Variants in SNX21 observed in about 807,000 individuals in gnomAD.
SNX21 encodes the protein sorting nexin family member 21.
A neutral mutation model predicts 30.9 loss-of-function variants in SNX21; 36 were observed. That is an observed-to-expected ratio of 1.16 (90% CI 0.89 to 1.54). The LOEUF is 1.54. SNX21 is among the 40% of genes most tolerant of loss of function. The pLI, the probability that SNX21 is intolerant of heterozygous loss-of-function variation, is 0.00. For missense variants in SNX21, 508 were observed against 516.5 expected (o/e 0.98, Z 0.16); for synonymous variants, 218 against 222.7 (o/e 0.98, Z 0.19).
chr20:45,840,209 A>G, intron 3 of SNX21: 1 of 1,408,120 alleles, frequency 7.1e-7, no homozygotes, highest in Admixed American at 2.9e-5. Flanking sequence ...TAGTTTGGAA[A>G]AGCCTGACCA....
intron 3 of SNX21, 85 bp downstream of exon 3, chr20:45,835,201 T>A: frequency 2.8e-6 from 4 of 1,428,862 alleles, no homozygotes; most frequent in Non-Finnish European, 3.7e-6. Flanking sequence ...TCCTGAGGGG[T>A]CTATGTAGTT....
rs1314440913 is a variant in SNX21 at position 45,842,044 on chromosome 20, G to A, written c.*731G>A. The A allele has an allele frequency of 6.4e-7, 1 of 1,552,026 alleles. No individual in the cohort carries two copies. Among genetic ancestry groups the A allele is most frequent in the African/African-American group, 1.4e-5 (1 of 73,364 alleles). ...TTTTCCTGAAACAGAGTCTCACTAA[G>A]TTGCCAGGCTGGTCTCAAGCGCCTG... On this transcript the variant is annotated 3_prime_UTR_variant, in exon 4 of 4. Transcript: ENST00000491381.
intron 3 of SNX21, among the ~76,000 whole-genome samples, chr20:45,836,015 C>T (rs1454467500): frequency 6.6e-6 from 1 of 152,190 alleles, no homozygotes; most frequent in African/African-American, 2.4e-5. Context: ...AGTGGCAGCT[C>T]TCCATCTCTC....
chr20:45,838,954 A>C (rs181643440), intron 3 of SNX21, among the ~76,000 whole-genome samples: 1 of 149,124 alleles, frequency 6.7e-6, no homozygotes, highest in African/African-American at 2.5e-5. Flanking sequence ...GAGTGCCATG[A>C]GCAATCTCGG....
chr20:45,840,677 T>C lies in SNX21; in HGVS notation c.486T>C (p.Asp162=), dbSNP rs768327128. The stretch of plus-strand genomic sequence containing the variant: ...CCGTGATCGGCCCAGGACCGCCAGA[T>C]TGCCAGCCAGCCCAGATCTCTCGCC... ...TLAVIGPGPP[D]CQPAQISRRY... The change falls in exon 4 of 4, where the codon GAT becomes GAC. Residue 162 remains aspartate (D), a synonymous_variant. Coordinates refer to ENST00000491381, the MANE Select transcript of SNX21 (RefSeq NM_033421.4). 1 of 1,614,140 alleles carries C rather than the reference T, an allele frequency of 6.2e-7. No homozygotes were observed. The highest frequency in any genetic ancestry group is 1.1e-5 in the South Asian group (1 of 91,086).
At position 45,840,647 on chromosome 20, in the gene SNX21, C is replaced by CCTCG. The variant is rs1983992903; in HGVS notation, c.458_461dup (p.Val155ArgfsTer23). On this transcript the variant is annotated frameshift_variant, in exon 4 of 4. Transcript: ENST00000491381. LOFTEE classifies it high-confidence loss of function. ...ACCCACCCTCCCTGCAGCTCTACACCCTCGCCGTGATCGGCCCAGGACCGC... is the reference window on the plus strand; with the variant it reads ...ACCCACCCTCCCTGCAGCTCTACACCCTCGCTCGCCGTGATCGGCCCAGGACCGC... 3.7e-6 allele frequency: 6 copies of CCTCG among 1,614,046 alleles called. No individual in the cohort carries two copies. Among genetic ancestry groups the CCTCG allele is most frequent in the Non-Finnish European group, 5.1e-6 (6 of 1,180,020 alleles).
Position 45,834,996 on chromosome 20 carries a change from G to C in SNX21, c.327G>C (p.Gln109His). ...SPPPDGQWGS[Q>H]LLARQLQDFW... ...CACCTGATGGGCAGTGGGGCAGTCA[G>C]CTCCTGGCGCGGCAGCTGCAGGATT... The change falls in exon 3 of 4, where the codon CAG (glutamine) becomes CAC (histidine). Residue 109 changes from glutamine (Q) to histidine (H), a missense_variant. By Grantham distance (24) the Gln-to-His change is conservative. Coordinates refer to ENST00000491381, the MANE Select transcript of SNX21 (RefSeq NM_033421.4). 1.2e-6 allele frequency: 2 copies of C among 1,614,208 alleles called. No individual in the cohort carries two copies. Among genetic ancestry groups the C allele is most frequent in the South Asian group, 2.2e-5 (2 of 91,088 alleles).
chr20:45,836,490 CAAAAAAAAAAAAA>C (rs74176824), intron 3 of SNX21, among the ~76,000 whole-genome samples: 4 of 51,334 alleles, frequency 7.8e-5, no homozygotes, highest in East Asian at 7.1e-4. Context: ...GACTCCGTCT[CAAAAAAAAAAAAA>C]AAAAAAAAAA....
At chr20:45,837,122 C>T (rs947546679) in intron 3 of SNX21, among the ~76,000 whole-genome samples, 4 of 152,150 alleles carry the variant, frequency 2.6e-5, no homozygotes, top group Non-Finnish European at 5.9e-5. Flanking sequence ...AGGGTAAATG[C>T]TTGGGTAATG....
chr20:45,839,535 A>G (rs1983851068), intron 3 of SNX21, among the ~76,000 whole-genome samples: 1 of 151,926 alleles, frequency 6.6e-6, no homozygotes, highest in South Asian at 2.1e-4. Context: ...AAAAAAATAA[A>G]AAAATAAAAA....
intron 3 of SNX21, 139 bp from the exon 4 acceptor site, chr20:45,840,500 C>A (rs985871818): frequency 1.3e-5 from 21 of 1,613,768 alleles, no homozygotes; most frequent in Admixed American, 1.7e-5. Context: ...GCAGCAGCTC[C>A]CGCCCTCCTG....
At position 45,842,030 on chromosome 20, in the gene SNX21, CAG is replaced by C. The variant is rs777752032; in HGVS notation, c.*720_*721del. The C allele has an allele frequency of 1.6e-5, 25 of 1,567,846 alleles. No individual in the cohort carries two copies. Among genetic ancestry groups the C allele is most frequent in the South Asian group, 2.3e-5 (2 of 86,254 alleles). On this transcript the variant is annotated 3_prime_UTR_variant, in exon 4 of 4. Coordinates refer to ENST00000491381, the MANE Select transcript of SNX21 (RefSeq NM_033421.4). ...TACACTTTTTTTTTTTTTCCTGAAA[CAG>C]AGTCTCACTAAGTTGCCAGGCTGGT...
rs760460112 is a variant in SNX21 at position 45,841,920 on chromosome 20, C to T, written c.*607C>T. On this transcript the variant is annotated 3_prime_UTR_variant, in exon 4 of 4. Transcript: ENST00000491381. ...GGTCACAGCTAGGACTCCATCCTGA[C>T]GCCACAGCCGCCCATGGACCAGCCC... is the stretch of plus-strand genomic sequence containing the variant. 4.4e-5 allele frequency: 71 copies of T among 1,612,876 alleles called. No homozygotes were observed. The Admixed American group carries it at 4.5e-4, about 10-fold the overall frequency.
At position 45,839,750 on chromosome 20, in the gene SNX21, A is replaced by ACTT. The variant is rs747452785; in HGVS notation, c.448-889_448-888insCTT. On this transcript the variant is annotated intron_variant, in intron 3 of 3. Transcript: ENST00000491381. Reference sequence around the variant, plus strand: ...TCTCCATACAAAAAAAAAAAAAAAAATTTTTTTAAATAGCTGAGTGTGGTG... The same window carrying ACTT: ...TCTCCATACAAAAAAAAAAAAAAAAACTTTTTTTTTAAATAGCTGAGTGTGGTG... Among the ~76,000 whole-genome samples the ACTT allele has an allele frequency of 6.7e-4, 100 of 149,418 alleles. 1 individual carries two copies. The highest frequency in any genetic ancestry group is 1.2e-3 in the Non-Finnish European group (83 of 67,330).
chr20:45,837,236 A>AGT (rs1385384075), intron 3 of SNX21, among the ~76,000 whole-genome samples: 1 of 152,254 alleles, frequency 6.6e-6, no homozygotes, highest in African/African-American at 2.4e-5. Flanking sequence ...TATATAGACC[A>AGT]GTGTGTCCTG....
At chr20:45,837,626 G>A (rs1057504309) in intron 3 of SNX21, among the ~76,000 whole-genome samples, 2 of 152,236 alleles carry the variant, frequency 1.3e-5, no homozygotes, top group African/African-American at 4.8e-5. Context: ...CCTGGGAGGC[G>A]GGGAACTTCG....
chr20:45,834,582 C>T, intron 2 of SNX21, 114 bp downstream of exon 2: 1 of 1,336,008 alleles, frequency 7.5e-7, no homozygotes, highest in South Asian at 1.5e-5. Context: ...TCCCACACTT[C>T]TTAAAGCGCC....
chr20:45,837,910 T>C (rs1983679642), intron 3 of SNX21, among the ~76,000 whole-genome samples: 1 of 150,554 alleles, frequency 6.6e-6, no homozygotes, highest in African/African-American at 2.5e-5. Flanking sequence ...GTAGCTAGGA[T>C]TACAGGTGCC....
In SNX21 at chr20:45,840,540, T is replaced by C. The variant is rs1490173986; in HGVS notation, c.448-99T>C. 3 of 1,610,862 alleles carry C rather than the reference T, an allele frequency of 1.9e-6. No homozygotes were observed. The African/African-American group carries it at 4.0e-5, about 22-fold the overall frequency. ...CTGTCCCAGGGGTGAAAGGAAGAGGTGGGGAGGTACAGCTGGGAGTGTGGG... is the reference window on the plus strand; with the variant it reads ...CTGTCCCAGGGGTGAAAGGAAGAGGCGGGGAGGTACAGCTGGGAGTGTGGG... On this transcript the variant is annotated intron_variant, in intron 3 of 3. Coordinates refer to ENST00000491381, the MANE Select transcript of SNX21 (RefSeq NM_033421.4).
Sources: allele counts gnomAD v4.1 joint callset (sites outside exome capture counted in the v4.1 genomes callset), GRCh38; gene constraint gnomAD v4.1.1; transcripts MANE v1.5; gene names NCBI Gene and HGNC (gene_info 2026-07-23, HGNC 2026-07-21).